ZNF723: variants seen among roughly 807,000 people sequenced by gnomAD.
ZNF723 encodes the protein zinc finger protein 723.
ZNF723 carries 5 observed loss-of-function variants against 9.4 expected under a neutral mutation model. The observed-to-expected ratio is 0.53, with a 90% CI of 0.28 to 1.12. The LOEUF is 1.12. ZNF723 is among the 50% of genes most tolerant of loss of function. The pLI is 0.10. For missense variants in ZNF723, 450 were observed against 501.5 expected (o/e 0.90, Z 0.98); for synonymous variants, 158 against 168.8 (o/e 0.94, Z 0.49).
At chr19:22,847,606 A>T (rs1967331312) in intron 1 of ZNF723, among the ~76,000 whole-genome samples, 1 of 152,090 alleles carries the variant, frequency 6.6e-6, no homozygotes, top group Non-Finnish European at 1.5e-5. Flanking sequence ...CTAACTCAAC[A>T]TGTCTTTTCC....
chr19:22,841,054 G>A (rs1406367237), intron 1 of ZNF723: 5 of 152,296 alleles, frequency 3.3e-5, no homozygotes, highest in Admixed American at 1.3e-4. Context: ...GAGAGGACAT[G>A]GCCATCAGGA....
upstream of ZNF723, among the ~76,000 whole-genome samples, chr19:22,828,328 A>G (rs1967058983): frequency 6.6e-6 from 1 of 152,206 alleles, no homozygotes; most frequent in African/African-American, 2.4e-5. Flanking sequence ...ACTCTGACCT[A>G]CGTAAGAACT....
chr19:22,828,270 G>A (rs999644529), upstream of ZNF723, among the ~76,000 whole-genome samples: 7 of 152,138 alleles, frequency 4.6e-5, no homozygotes, highest in East Asian at 1.9e-4. Flanking sequence ...ACAAAAACCC[G>A]AAATAATGGA....
rs1322214378 is a variant in ZNF723 at position 22,858,432 on chromosome 19, G to A, written c.1541G>A (p.Ter514=). ...TKEKSQTLKM[*] ...GAGAAATCACAAACCTTAAAGATGT[G>A]ACAATGCTTTTTATGAAATCCCAAA... Residue 514 remains the stop codon, a stop_retained_variant, in exon 4 of 4, where the codon TGA becomes TAA. Transcript: ENST00000600766. The A allele has an allele frequency of 2.9e-6, 2 of 684,780 alleles. No individual in the cohort carries two copies. Among genetic ancestry groups the A allele is most frequent in the Admixed American group, 5.8e-5 (2 of 34,346 alleles). The allele number at this position is 684,780 out of a possible 1,614,324, so 42.4% of individuals were successfully genotyped here. A position where few individuals can be genotyped will look rare whatever the true frequency, so the allele number is the denominator to read the frequency against.
At chr19:22,852,554 T>C (rs564820424) in intron 3 of ZNF723, among the ~76,000 whole-genome samples, 17 of 152,326 alleles carry the variant, frequency 1.1e-4, no homozygotes, top group African/African-American at 4.1e-4. Flanking sequence ...AACATTTTAC[T>C]AGTTTTAGCA....
chr19:22,845,763 G>C (rs1176279314), intron 1 of ZNF723, among the ~76,000 whole-genome samples: 1 of 152,062 alleles, frequency 6.6e-6, no homozygotes, highest in South Asian at 2.1e-4. Context: ...TGGGTGTGGT[G>C]GTAGCAGGTA....
At chr19:22,826,745 C>T in the ZNF723 span, among the ~76,000 whole-genome samples, 1 of 152,186 alleles carries the variant, frequency 6.6e-6, no homozygotes, top group African/African-American at 2.4e-5. Flanking sequence ...AGGGTTCATT[C>T]ACAGTTTTCT....
chr19:22,827,535 CCTCCTGGGTTCAAGTGATT>C (rs1967050281), upstream of ZNF723, among the ~76,000 whole-genome samples: 1 of 151,968 alleles, frequency 6.6e-6, no homozygotes, highest in Non-Finnish European at 1.5e-5. Context: ...ACAACCTCCA[CCTCCTGGGTTCAAGTGATT>C]CTCCTGCCTC....
Position 22,857,215 on chromosome 19 carries a change from T to C in ZNF723, c.324T>C (p.His108=), listed in dbSNP as rs1440212875. ...TGAGAAGCTATGGAAAATATGGACATGACAATTTACAATTAAGAAAAGGCT... is the reference window on the plus strand; with the variant it reads ...TGAGAAGCTATGGAAAATATGGACACGACAATTTACAATTAAGAAAAGGCT... ...VILRSYGKYG[H]DNLQLRKGCE... Residue 108 remains histidine, a synonymous_variant, in exon 4 of 4, where the codon CAT becomes CAC. Transcript: ENST00000600766. The C allele has an allele frequency of 6.7e-6, 6 of 897,856 alleles. No individual in the cohort carries two copies. In the Admixed American group the frequency reaches 1.2e-4, roughly 17 times the overall value. 55.6% of individuals were successfully genotyped at this position (897,856 alleles called of 1,614,324 possible). A position where few individuals can be genotyped will look rare whatever the true frequency, so the allele number is the denominator to read the frequency against.
chr19:22,842,404 C>T (rs1967259231), intron 1 of ZNF723, among the ~76,000 whole-genome samples: 1 of 152,158 alleles, frequency 6.6e-6, no homozygotes, highest in Non-Finnish European at 1.5e-5. Flanking sequence ...AACCCATACT[C>T]TAAATTTTAA....
At chr19:22,828,886 T>C (rs1373024767), upstream of ZNF723, among the ~76,000 whole-genome samples, 2 of 151,978 alleles carry the variant, frequency 1.3e-5, no homozygotes, top group African/African-American at 4.8e-5. Context: ...AAAAAATAAA[T>C]AATAGGCCAG....
Position 22,857,310 on chromosome 19 carries a change from C to T in ZNF723, c.419C>T (p.Thr140Ile). ...GAACTTAAGCAATGTTTGACAACTA[C>T]CCCGAGCAAAATATTTCAATGTGAT... ...YDELKQCLTT[T>I]PSKIFQCDKY... The change falls in exon 4 of 4, where the codon ACC (threonine) becomes ATC (isoleucine). Residue 140 changes from threonine (T) to isoleucine (I), a missense_variant. Physicochemically the swap from Thr to Ile is moderately conservative, Grantham distance 89. Transcript: ENST00000600766. 1.2e-6 allele frequency: 1 copy of T among 819,270 alleles called. No homozygotes were observed. Among genetic ancestry groups the T allele is most frequent in the African/African-American group, 1.7e-5 (1 of 59,736 alleles). The allele number at this position is 819,270 out of a possible 1,614,324, so 50.8% of individuals were successfully genotyped here.
the ZNF723 span, among the ~76,000 whole-genome samples, chr19:22,816,159 C>T: frequency 6.6e-6 from 1 of 152,150 alleles, no homozygotes; most frequent in East Asian, 1.9e-4. Flanking sequence ...TTGTAGAAAG[C>T]CCTTTGGTGG....
At chr19:22,840,263 C>T (rs12461560) in intron 1 of ZNF723, among the ~76,000 whole-genome samples, 33,740 of 151,780 alleles carry the variant, frequency 0.22, 4,779 homozygotes, top group Non-Finnish European at 0.32. Context: ...TCTCCGCCTC[C>T]TGGGTTCAAG....
the ZNF723 span, among the ~76,000 whole-genome samples, chr19:22,818,051 T>G: frequency 6.6e-6 from 1 of 152,174 alleles, no homozygotes; most frequent in Admixed American, 6.5e-5. Context: ...GTTGAGATGG[T>G]TATTCATTTC....
At chr19:22,837,615 A>T (rs915231577) in intron 1 of ZNF723, among the ~76,000 whole-genome samples, 1 of 152,160 alleles carries the variant, frequency 6.6e-6, no homozygotes, top group Non-Finnish European at 1.5e-5. Flanking sequence ...CTGTGATTCC[A>T]GATCTCCTCT....
intron 3 of ZNF723, among the ~76,000 whole-genome samples, chr19:22,853,965 T>C (rs1967434173): frequency 6.6e-6 from 1 of 152,208 alleles, no homozygotes; most frequent in Non-Finnish European, 1.5e-5. Context: ...GTGTTCTCTA[T>C]ACTTCTTTTA....
the ZNF723 span, among the ~76,000 whole-genome samples, chr19:22,813,816 T>C: frequency 1.6e-3 from 233 of 144,088 alleles, 1 homozygote; most frequent in African/African-American, 5.7e-3. Context: ...CAAAACTTTT[T>C]TGTTTTTTTT....
intron 1 of ZNF723, among the ~76,000 whole-genome samples, chr19:22,838,442 C>T (rs1381506061): frequency 1.3e-5 from 2 of 151,972 alleles, no homozygotes; most frequent in African/African-American, 2.4e-5. Context: ...ATCCCAGCTA[C>T]TCAGGAGGCT....
Sources: allele counts gnomAD v4.1 joint callset (sites outside exome capture counted in the v4.1 genomes callset), GRCh38; gene constraint gnomAD v4.1.1; transcripts MANE v1.5; gene names NCBI Gene and HGNC (gene_info 2026-07-23, HGNC 2026-07-21).